The following NBEA variants were observed in gnomAD, a reference collection of about 807,000 sequenced individuals.
The protein encoded by NBEA is lysosomal-trafficking regulator 2.
NBEA carries 44 observed loss-of-function variants against 343.4 expected under a neutral mutation model. The ratio of observed to expected loss-of-function variants is 0.13; its 90% CI spans 0.10 to 0.16. The LOEUF (loss-of-function observed/expected upper bound fraction) is 0.16, where lower values mean the gene tolerates loss of function less well. Among genes scored for constraint, NBEA ranks in the 10% least tolerant of loss-of-function variants. The pLI, the probability that NBEA is intolerant of heterozygous loss-of-function variation, is 1.00. For synonymous variants in NBEA, 1,175 were observed against 1,238.7 expected, an observed-to-expected ratio of 0.95 and a Z score of 1.08; for missense variants, 2,555 against 3,631.3, an observed-to-expected ratio of 0.70 and a Z score of 7.62.
At chr13:35,250,997 G>T (rs1356616832) in intron 34 of NBEA, 1 of 153,926 alleles carries the variant, frequency 6.5e-6, no homozygotes, top group Non-Finnish European at 1.4e-5. Flanking sequence ...ACGTTCATGG[G>T]GGATGCATGT....
chr13:34,950,843 C>T (rs1188795837), intron 1 of NBEA, among the ~76,000 whole-genome samples: 1 of 152,082 alleles, frequency 6.6e-6, no homozygotes, highest in Non-Finnish European at 1.5e-5. Flanking sequence ...AATTCCAGCA[C>T]TTTGGGAGTC....
chr13:35,176,654 T>C (rs1159994151), intron 27 of NBEA, among the ~76,000 whole-genome samples: 3 of 151,998 alleles, frequency 2.0e-5, no homozygotes, highest in African/African-American at 7.2e-5. Context: ...GATGGATAAA[T>C]GAACCCAGAG....
chr13:35,410,658 C>T (rs536847014), intron 38 of NBEA, among the ~76,000 whole-genome samples: 1 of 152,128 alleles, frequency 6.6e-6, no homozygotes, highest in South Asian at 2.1e-4. Context: ...TTAGTCCATC[C>T]CTAAAGAACT....
At chr13:34,992,222 ATG>A (rs552706153) in intron 1 of NBEA, among the ~76,000 whole-genome samples, 8 of 122,640 alleles carry the variant, frequency 6.5e-5, no homozygotes, top group African/African-American at 1.2e-4. Flanking sequence ...GTGTGTGTAT[ATG>A]TGTGTGTGTG....
chr13:35,611,614 T>C (rs1206079807), intron 48 of NBEA, among the ~76,000 whole-genome samples: 1 of 152,202 alleles, frequency 6.6e-6, no homozygotes, highest in African/African-American at 2.4e-5. Context: ...GCTAATCAAC[T>C]TTTTATCTCC....
intron 16 of NBEA, among the ~76,000 whole-genome samples, chr13:35,122,002 C>T (rs9670175): frequency 0.034 from 5,130 of 152,110 alleles, 91 homozygotes; most frequent in South Asian, 0.055. Context: ...ATTGTCCCTT[C>T]TACTTTATGG....
At chr13:35,427,256 T>C (rs1010425296) in intron 38 of NBEA, among the ~76,000 whole-genome samples, 3 of 152,100 alleles carry the variant, frequency 2.0e-5, no homozygotes, top group Admixed American at 1.3e-4. Flanking sequence ...TTCCCCATCT[T>C]TGTGGTTTTA....
At chr13:35,295,053 TA>T (rs550152360) in intron 35 of NBEA, among the ~76,000 whole-genome samples, 136 of 138,084 alleles carry the variant, frequency 9.8e-4, no homozygotes, top group African/African-American at 1.8e-3. Flanking sequence ...GCTGATGAAC[TA>T]AAAAAAAAAA....
intron 55 of NBEA, among the ~76,000 whole-genome samples, chr13:35,662,159 C>T (rs578125586): frequency 6.6e-6 from 1 of 152,172 alleles, no homozygotes; most frequent in African/African-American, 2.4e-5. Context: ...ATTGAAATGA[C>T]CTTTGATAAA....
intron 48 of NBEA, among the ~76,000 whole-genome samples, chr13:35,607,969 A>G (rs769387349): frequency 4.3e-4 from 66 of 152,304 alleles, no homozygotes; most frequent in Non-Finnish European, 7.5e-4. Context: ...CATTTCATGT[A>G]AACAGAATCA....
In NBEA at chr13:35,159,579, A is replaced by G. The variant is rs759239151; in HGVS notation, c.3408A>G (p.Lys1136=). ...NGPLITLADE[K]EDLPNSSTSF... is the part of the protein sequence containing the mutation. ...CATTGATAACATTAGCAGATGAGAA[A>G]GAAGACCTTCCCAATAGTAGTACAT... is the stretch of plus-strand genomic sequence containing the variant. The change falls in exon 22 of 59, where the codon AAA becomes AAG. Residue 1136 remains lysine, a synonymous_variant. Transcript: ENST00000379939. The G allele has an allele frequency of 3.2e-5, 52 of 1,612,392 alleles. No homozygotes were observed. The highest frequency in any genetic ancestry group is 1.5e-4 in the African/African-American group (11 of 74,880).
intron 1 of NBEA, among the ~76,000 whole-genome samples, chr13:35,002,604 G>T (rs1470511723): frequency 1.3e-5 from 2 of 152,124 alleles, no homozygotes; most frequent in African/African-American, 2.4e-5. Context: ...AAAATATATT[G>T]TATCAGGTCG....
intron 17 of NBEA, among the ~76,000 whole-genome samples, chr13:35,136,979 A>C (rs1235471106): frequency 6.6e-6 from 1 of 152,268 alleles, no homozygotes; most frequent in Non-Finnish European, 1.5e-5. Context: ...TTGATGTTCA[A>C]ATAGCAATAT....
intron 35 of NBEA, among the ~76,000 whole-genome samples, chr13:35,299,929 A>G (rs1164997724): frequency 6.6e-6 from 1 of 152,180 alleles, no homozygotes; most frequent in Non-Finnish European, 1.5e-5. Context: ...GTCAGAGAGA[A>G]TTGTTAGAGT....
chr13:35,656,348 T>C (rs9544915), intron 55 of NBEA, among the ~76,000 whole-genome samples: 17,695 of 152,210 alleles, frequency 0.12, 1,155 homozygotes, highest in South Asian at 0.18. Flanking sequence ...TGGGAGAGGC[T>C]GGACTCCTTC....
At chr13:35,553,864 G>C (rs1402503178) in intron 43 of NBEA, among the ~76,000 whole-genome samples, 1 of 152,160 alleles carries the variant, frequency 6.6e-6, no homozygotes, top group South Asian at 2.1e-4. Flanking sequence ...GCTCGAGTTA[G>C]TTCCAAGTTT....
rs2059271533 is a variant in NBEA, at chr13:34,949,004, G to T, written c.294+5890G>T. ...TCATAAAGGCCTAAGTTTTTACCCC[G>T]TGCTAAAGTTGGCAAGAGGAAAGCC... On this transcript the variant is annotated intron_variant, in intron 1 of 58. Transcript: ENST00000379939. 2.0e-5 allele frequency among the ~76,000 whole-genome samples: 3 copies of T among 152,048 alleles called. No homozygotes were observed. The South Asian group carries it at 6.2e-4, about 32-fold the overall frequency.
At chr13:35,069,640 T>C (rs2063790247) in intron 8 of NBEA, among the ~76,000 whole-genome samples, 1 of 152,090 alleles carries the variant, frequency 6.6e-6, no homozygotes, top group South Asian at 2.1e-4. Context: ...TAATATCAGG[T>C]TTGATATTTT....
chr13:35,457,369 C>T (rs145646182), intron 40 of NBEA, among the ~76,000 whole-genome samples: 4 of 152,134 alleles, frequency 2.6e-5, no homozygotes, highest in South Asian at 2.1e-4. Context: ...CAACTGTTAC[C>T]GAAATCAATT....
Sources: gnomAD v4.1 joint callset for allele counts (sites outside exome capture counted in the v4.1 genomes callset) on GRCh38, gnomAD v4.1.1 for gene constraint, MANE v1.5 for transcripts, NCBI Gene and HGNC (gene_info 2026-07-23, HGNC 2026-07-21) for gene names.